The following FBXL5 variants were observed in gnomAD, a reference collection of about 807,000 sequenced individuals.
The protein encoded by FBXL5 is F-box and leucine rich repeat protein 5.
Under a neutral mutation model 78.3 loss-of-function variants are expected in FBXL5, and 26 were observed. The observed-to-expected ratio is 0.33, with a 90% CI of 0.24 to 0.46. The LOEUF is 0.46. FBXL5 is among the 20% of genes least tolerant of loss of function. The pLI, the probability that FBXL5 is intolerant of heterozygous loss-of-function variation, is 1.00. For synonymous variants in FBXL5, 295 were observed against 282.5 expected (o/e 1.04, Z -0.45); for missense variants, 710 against 829.2 (o/e 0.86, Z 1.77).
chr4:15,665,315 G>A (rs902654141), intron 1 of FBXL5, among the ~76,000 whole-genome samples: 9 of 152,158 alleles, frequency 5.9e-5, no homozygotes, highest in Admixed American at 6.5e-5. Context: ...CATCAGATGC[G>A]GTGTCAGGCA....
At chr4:15,636,063 A>T (rs1432861844) in intron 5 of FBXL5, among the ~76,000 whole-genome samples, 1 of 151,996 alleles carries the variant, frequency 6.6e-6, no homozygotes, top group Non-Finnish European at 1.5e-5. Flanking sequence ...AATTTTATAG[A>T]ATTTATTCTG....
At chr4:15,632,558 C>G (rs1483913077) in intron 5 of FBXL5, among the ~76,000 whole-genome samples, 1 of 152,104 alleles carries the variant, frequency 6.6e-6, no homozygotes, top group Non-Finnish European at 1.5e-5. Flanking sequence ...ATGGAATGTT[C>G]TTCCATTTGT....
intron 1 of FBXL5, among the ~76,000 whole-genome samples, chr4:15,678,553 C>T (rs907035873): frequency 1.3e-5 from 2 of 152,160 alleles, no homozygotes; most frequent in Non-Finnish European, 2.9e-5. Flanking sequence ...TTTACATAGT[C>T]TCAAAATAGT....
chr4:15,653,103 T>G (rs1012450455), intron 1 of FBXL5, among the ~76,000 whole-genome samples: 1 of 151,376 alleles, frequency 6.6e-6, no homozygotes, highest in African/African-American at 2.4e-5. Context: ...AAAATTCCTA[T>G]GCATTTTTTT....
rs1577411152 is a variant in FBXL5 at position 15,604,757 on chromosome 4, C to T, written c.*966G>A. ...CTAAAAGGCACTAGTATGTGCCTTT[C>T]TGGGTGGCAGGCCTCCACTCTCATG... On this transcript the variant is annotated 3_prime_UTR_variant, in exon 11 of 11. Transcript: ENST00000341285. 6.6e-6 allele frequency: 1 copy of T among 152,338 alleles called. No homozygotes were observed. The highest frequency in any genetic ancestry group is 3.4e-3 in the Middle Eastern group (1 of 294). The allele number at this position is 152,338 out of a possible 1,614,324, so 9.4% of individuals were successfully genotyped here.
chr4:15,641,565 A>G, intron 2 of FBXL5: 1 of 455,798 alleles, frequency 2.2e-6, no homozygotes, highest in East Asian at 7.0e-5. Flanking sequence ...CATATAATAC[A>G]TGAAATAATT....
intron 1 of FBXL5, among the ~76,000 whole-genome samples, chr4:15,669,127 A>G (rs1190175252): frequency 1.3e-5 from 2 of 152,220 alleles, no homozygotes; most frequent in African/African-American, 4.8e-5. Flanking sequence ...TTACTTGACA[A>G]CAGGGATACA....
intron 9 of FBXL5, among the ~76,000 whole-genome samples, chr4:15,614,317 A>C (rs1049663651): frequency 3.3e-5 from 5 of 152,220 alleles, no homozygotes; most frequent in African/African-American, 1.2e-4. Context: ...CATGGGTACC[A>C]GCACCTGCTC....
At chr4:15,643,258 C>G (rs1715068819) in intron 2 of FBXL5, among the ~76,000 whole-genome samples, 1 of 152,146 alleles carries the variant, frequency 6.6e-6, no homozygotes. Context: ...TTAGTCTTTT[C>G]TTTATCTTTA....
chr4:15,636,282 A>T, intron 5 of FBXL5: 1 of 403,044 alleles, frequency 2.5e-6, no homozygotes, highest in Non-Finnish European at 4.4e-6. Flanking sequence ...TATTTTCCTA[A>T]TTTTTTTTAA....
In FBXL5 at chr4:15,626,971, T is replaced by C. The variant is rs1367247449; in HGVS notation, c.1042-16A>G. 2 of 1,581,578 alleles carry C rather than the reference T, an allele frequency of 1.3e-6. No homozygotes were observed. ...TCTGCCTAACCTAAAAGGCAAGAAATTGTCACTGTAAAGATCTGCAGAACT... is the reference window on the plus strand; with the variant it reads ...TCTGCCTAACCTAAAAGGCAAGAAACTGTCACTGTAAAGATCTGCAGAACT... On this transcript the variant is annotated splice_polypyrimidine_tract_variant and intron_variant, in intron 7 of 10. Coordinates refer to ENST00000341285, the MANE Select transcript of FBXL5 (RefSeq NM_012161.4).
upstream of FBXL5, chr4:15,656,293 CTG>C (rs753833809): frequency 1.8e-5 from 8 of 456,028 alleles, no homozygotes; most frequent in Non-Finnish European, 3.5e-5. Context: ...CCTGGAGACT[CTG>C]TTCTCTGCTC....
At chr4:15,625,184 A>G (rs1342541640) in intron 9 of FBXL5, 68 bp downstream of exon 9, 1 of 1,492,980 alleles carries the variant, frequency 6.7e-7, no homozygotes, top group Non-Finnish European at 8.9e-7. Flanking sequence ...ACTTAGATCA[A>G]AATTTTTATA....
upstream of FBXL5, among the ~76,000 whole-genome samples, chr4:15,659,249 C>T (rs1717188146): frequency 6.6e-6 from 1 of 152,198 alleles, no homozygotes; most frequent in Admixed American, 6.5e-5. Flanking sequence ...TAAAATATTT[C>T]TTGCTGCATG....
At chr4:15,674,050 A>C (rs1305037734) in intron 1 of FBXL5, among the ~76,000 whole-genome samples, 1 of 152,220 alleles carries the variant, frequency 6.6e-6, no homozygotes, top group African/African-American at 2.4e-5. Flanking sequence ...GCCAGAACAA[A>C]AATTGATACA....
intron 9 of FBXL5, among the ~76,000 whole-genome samples, chr4:15,623,670 TTTGC>T (rs1312610280): frequency 6.6e-6 from 1 of 152,200 alleles, no homozygotes; most frequent in African/African-American, 2.4e-5. Context: ...TAAAGTTATC[TTTGC>T]TTATGTTCTT....
rs1241826670 is a variant in FBXL5, at chr4:15,604,632, G to C, written c.*1091C>G. 3 of 151,308 alleles carry C rather than the reference G, an allele frequency of 2.0e-5. No individual in the cohort carries two copies. The highest frequency in any genetic ancestry group is 2.0e-4 in the Admixed American group (3 of 15,150). 9.4% of individuals were successfully genotyped at this position (151,308 alleles called of 1,614,324 possible). On this transcript the variant is annotated 3_prime_UTR_variant, in exon 11 of 11. Transcript: ENST00000341285. Reference sequence around the variant, plus strand: ...TCCATTTGTAAAAAATGCATTATTTGCAAAGTGCAATAAAGCAAAACGCAA... The same window carrying C: ...TCCATTTGTAAAAAATGCATTATTTCCAAAGTGCAATAAAGCAAAACGCAA...
At chr4:15,617,194 AGCAAAGACAT>A (rs1711980526) in intron 9 of FBXL5, among the ~76,000 whole-genome samples, 1 of 152,262 alleles carries the variant, frequency 6.6e-6, no homozygotes, top group African/African-American at 2.4e-5. Flanking sequence ...TATTCACAAT[AGCAAAGACAT>A]GGACTCAACC....
At position 15,644,667 on chromosome 4, in the gene FBXL5, A is replaced by G; in HGVS notation, c.126T>C (p.Ala42=). The part of the protein sequence containing the change: ...TNFSNNNDFR[A]LLQSLYATFK... ...AAGTAGCATACAAAGACTGCAGAAG[A>G]GCACGGAAATCGTTGTTGTTGGAAA... Residue 42 remains alanine, a synonymous_variant, in exon 2 of 11, where the codon GCT becomes GCC. Coordinates refer to ENST00000341285, the MANE Select transcript of FBXL5 (RefSeq NM_012161.4). The G allele has an allele frequency of 6.2e-7, 1 of 1,610,986 alleles. No homozygotes were observed. The highest frequency in any genetic ancestry group is 8.5e-7 in the Non-Finnish European group (1 of 1,178,564).
Sources: allele counts gnomAD v4.1 joint callset (sites outside exome capture counted in the v4.1 genomes callset), GRCh38; gene constraint gnomAD v4.1.1; transcripts MANE v1.5; gene names NCBI Gene and HGNC (gene_info 2026-07-23, HGNC 2026-07-21).